SUMF1: variants seen among roughly 807,000 people sequenced by gnomAD.
SUMF1 encodes sulfatase modifying factor 1.
A neutral mutation model predicts 47.6 loss-of-function variants in SUMF1; 48 were observed. That is an observed-to-expected ratio of 1.01 (90% CI 0.80 to 1.28). The LOEUF is 1.28. Ranked by LOEUF, SUMF1 falls within the 50% of genes most tolerant of loss-of-function variation. The probability of loss-of-function intolerance (pLI) is 0.00; values close to 1 mark genes in which losing one functional copy is unlikely to be tolerated. For missense variants in SUMF1, 571 were observed against 485.4 expected, an observed-to-expected ratio of 1.18 and a Z score of -1.66; for synonymous variants, 230 against 192.1, an observed-to-expected ratio of 1.20 and a Z score of -1.63.
chr3:4,458,584 G>A (rs935991829), intron 1 of SUMF1, among the ~76,000 whole-genome samples: 4 of 152,108 alleles, frequency 2.6e-5, no homozygotes, highest in Admixed American at 6.5e-5. Flanking sequence ...GGCCAGGTGC[G>A]GAGGCTCACG....
intron 8 of SUMF1, among the ~76,000 whole-genome samples, chr3:4,193,978 G>T (rs541299788): frequency 6.6e-6 from 1 of 152,198 alleles, no homozygotes; most frequent in Admixed American, 6.5e-5. Flanking sequence ...ACAGGCCAAC[G>T]TAAGTATGCC....
intron 8 of SUMF1, among the ~76,000 whole-genome samples, chr3:4,195,774 A>C (rs907186842): frequency 6.6e-6 from 1 of 152,186 alleles, no homozygotes; most frequent in Middle Eastern, 3.2e-3. Flanking sequence ...CATGGTTTTT[A>C]AAGCTAGGAC....
chr3:4,179,756 A>G (rs1695050994), intron 8 of SUMF1, among the ~76,000 whole-genome samples: 1 of 152,196 alleles, frequency 6.6e-6, no homozygotes, highest in Admixed American at 6.5e-5. Flanking sequence ...GTGAACTGGC[A>G]ACCTACAGAA....
chr3:4,084,500 C>T (rs1692631910), intron 8 of SUMF1, among the ~76,000 whole-genome samples: 1 of 152,008 alleles, frequency 6.6e-6, no homozygotes, highest in Non-Finnish European at 1.5e-5. Context: ...CAAAACTTTC[C>T]CAGACACAGG....
At chr3:4,072,974 A>C (rs1156677687) in intron 8 of SUMF1, among the ~76,000 whole-genome samples, 1 of 152,166 alleles carries the variant, frequency 6.6e-6, no homozygotes, top group Non-Finnish European at 1.5e-5. Flanking sequence ...AAATTCAGGA[A>C]ATATAGAGAA....
intron 8 of SUMF1, among the ~76,000 whole-genome samples, chr3:4,077,360 T>C (rs1271686568): frequency 6.6e-6 from 1 of 152,128 alleles, no homozygotes; most frequent in African/African-American, 2.4e-5. Flanking sequence ...TGCACACGTA[T>C]GTTTATTGTG....
At chr3:4,413,943 A>T (rs112567253) in intron 6 of SUMF1, among the ~76,000 whole-genome samples, 15,459 of 151,872 alleles carry the variant, frequency 0.1, 1,096 homozygotes, top group Admixed American at 0.17. Context: ...GGCTCACTGC[A>T]ATCTCTGCCT....
intron 8 of SUMF1, among the ~76,000 whole-genome samples, chr3:4,234,332 G>A (rs1040735417): frequency 2.0e-5 from 3 of 152,008 alleles, no homozygotes; most frequent in African/African-American, 7.2e-5. Flanking sequence ...AATATGAATT[G>A]TTACAGGTCT....
chr3:4,184,833 G>C (rs1695168035), intron 8 of SUMF1, among the ~76,000 whole-genome samples: 1 of 151,936 alleles, frequency 6.6e-6, no homozygotes, highest in African/African-American at 2.4e-5. Context: ...ATTTTTAGTA[G>C]AGATGGGGGT....
chr3:4,243,101 T>C lies in SUMF1; in HGVS notation c.1014+133229A>G, dbSNP rs190790253. ...GTAGTTTGTATTTCTGTGGGATTGA[T>C]GGTGATATGCCGTTTATCATTTTTT... On this transcript the variant is annotated intron_variant and NMD_transcript_variant, in intron 8 of 12. Transcript: ENST00000448413. Among the ~76,000 whole-genome samples, 11 of 152,366 alleles carry C rather than the reference T, an allele frequency of 7.2e-5. No individual in the cohort carries two copies. The East Asian group carries it at 2.1e-3, about 29-fold the overall frequency.
chr3:4,048,815 C>T (rs374378136), intron 9 of SUMF1, among the ~76,000 whole-genome samples: 1 of 152,280 alleles, frequency 6.6e-6, no homozygotes, highest in South Asian at 2.1e-4. Context: ...CTGCTAGATT[C>T]TAATTTCTCT....
In SUMF1 at chr3:4,143,581, A is replaced by T. The variant is rs756378805; in HGVS notation, c.1015-74836T>A. On this transcript the variant is annotated intron_variant and NMD_transcript_variant, in intron 8 of 12. Transcript: ENST00000448413. Reference sequence around the variant, plus strand: ...CATAAAACATAATCAAACGATATTCATGAGCCCTCTCTGTGAACTAAAAAC... The same window carrying T: ...CATAAAACATAATCAAACGATATTCTTGAGCCCTCTCTGTGAACTAAAAAC... Among the ~76,000 whole-genome samples, 67 of 152,270 alleles carry T rather than the reference A, an allele frequency of 4.4e-4. 1 individual carries two copies. The highest frequency in any genetic ancestry group is 8.3e-4 in the South Asian group (4 of 4,826).
intron 7 of SUMF1, among the ~76,000 whole-genome samples, chr3:4,405,243 C>A (rs1701338702): frequency 6.6e-6 from 1 of 152,214 alleles, no homozygotes; most frequent in Non-Finnish European, 1.5e-5. Context: ...ATGCTAATCT[C>A]TGGCCAGAGA....
At chr3:4,354,975 G>GTTAC (rs1699586262) in intron 8 of SUMF1, among the ~76,000 whole-genome samples, 1 of 152,188 alleles carries the variant, frequency 6.6e-6, no homozygotes, top group Non-Finnish European at 1.5e-5. Context: ...CAGTGGCACA[G>GTTAC]TTACGTATGT....
chr3:4,066,687 C>A (rs1559440040), intron 9 of SUMF1, among the ~76,000 whole-genome samples: 1 of 152,088 alleles, frequency 6.6e-6, no homozygotes, highest in African/African-American at 2.4e-5. Flanking sequence ...TTAGAAAGAA[C>A]AGAGTTGAGG....
chr3:4,188,316 C>T (rs370699515), intron 8 of SUMF1, among the ~76,000 whole-genome samples: 2 of 151,990 alleles, frequency 1.3e-5, no homozygotes, highest in Non-Finnish European at 1.5e-5. Context: ...GCTGGGACTA[C>T]AGGAGGCAGG....
At chr3:4,358,046 G>A (rs931460215), downstream of SUMF1, among the ~76,000 whole-genome samples, 15 of 152,240 alleles carry the variant, frequency 9.9e-5, no homozygotes, top group East Asian at 2.1e-3. Context: ...ACACAGATCT[G>A]TACTGCATTT....
chr3:4,231,122 G>A (rs55938493), intron 8 of SUMF1, among the ~76,000 whole-genome samples: 5,210 of 152,154 alleles, frequency 0.034, 286 homozygotes, highest in African/African-American at 0.12. Context: ...GACAAAAAGC[G>A]AAATTTTCCA....
intron 8 of SUMF1, among the ~76,000 whole-genome samples, chr3:4,251,386 G>T (rs1696798742): frequency 6.6e-6 from 1 of 152,220 alleles, no homozygotes; most frequent in South Asian, 2.1e-4. Flanking sequence ...TCCTGGTGAA[G>T]ATGCTGTCAA....
Sources: gnomAD v4.1 joint callset for allele counts (sites outside exome capture counted in the v4.1 genomes callset) on GRCh38, gnomAD v4.1.1 for gene constraint, MANE v1.5 for transcripts, NCBI Gene and HGNC (gene_info 2026-07-23, HGNC 2026-07-21) for gene names.